The following KIAA1958 variants were observed in gnomAD, a reference collection of about 807,000 sequenced individuals.
KIAA1958 encodes KIAA1958.
KIAA1958 carries 14 observed loss-of-function variants against 47.2 expected under a neutral mutation model. That is an observed-to-expected ratio of 0.30 (90% CI 0.20 to 0.46). The LOEUF is 0.46. Among genes scored for constraint, KIAA1958 ranks in the 20% least tolerant of loss-of-function variants. KIAA1958 has a pLI of 1.00. For synonymous variants in KIAA1958, 354 were observed against 353.3 expected (o/e 1.00, Z -0.02); for missense variants, 803 against 909.2 (o/e 0.88, Z 1.50).
chr9:112,543,355 A>G (rs953392122), intron 1 of KIAA1958, among the ~76,000 whole-genome samples: 8 of 152,180 alleles, frequency 5.3e-5, no homozygotes, highest in African/African-American at 1.9e-4. Context: ...GGCACTCAGA[A>G]GTAACCATCA....
At chr9:112,610,663 C>G (rs1006874605) in intron 2 of KIAA1958, among the ~76,000 whole-genome samples, 4 of 152,138 alleles carry the variant, frequency 2.6e-5, no homozygotes, top group African/African-American at 7.2e-5. Context: ...CACAACCCCT[C>G]CAGGACACAT....
At position 112,487,064 on chromosome 9, in the gene KIAA1958, G is replaced by A; in HGVS notation, c.-79G>A. 2 of 222,932 alleles carry A rather than the reference G, an allele frequency of 9.0e-6. No homozygotes were observed. Among genetic ancestry groups the A allele is most frequent in the South Asian group, 4.8e-5 (1 of 20,848 alleles). The allele number at this position is 222,932 out of a possible 1,614,324, so 13.8% of individuals were successfully genotyped here. On this transcript the variant is annotated 5_prime_UTR_variant, in exon 1 of 4. Transcript: ENST00000337530. ...GTCCAGCCCGGGCTGCCCGGCTCTC[G>A]CAGGCCCCCCCGCGCCGACCGCGTT...
intron 1 of KIAA1958, among the ~76,000 whole-genome samples, chr9:112,566,459 C>G (rs548366163): frequency 5.3e-5 from 8 of 152,010 alleles, no homozygotes; most frequent in Non-Finnish European, 1.0e-4. Flanking sequence ...TAAACTGTTC[C>G]AACATCTTCA....
chr9:112,574,778 T>C lies in KIAA1958; in HGVS notation c.698T>C (p.Met233Thr). Residue 233 changes from methionine to threonine, a missense_variant, in exon 2 of 4, where the codon ATG (methionine) becomes ACG (threonine). Transcript: ENST00000337530. Reference protein sequence around the residue: ...VDGPALSLTQMAKPKPQTHAG... With the variant: ...VDGPALSLTQTAKPKPQTHAG... ...GGACCAGCCCTGTCCTTGACACAGA[T>C]GGCAAAACCCAAGCCTCAGACTCAC... The C allele has an allele frequency of 6.2e-7, 1 of 1,614,126 alleles. No individual in the cohort carries two copies. The highest frequency in any genetic ancestry group is 1.1e-5 in the South Asian group (1 of 91,062).
intron 1 of KIAA1958, among the ~76,000 whole-genome samples, chr9:112,512,222 C>T (rs1382885185): frequency 6.6e-6 from 1 of 152,120 alleles, no homozygotes; most frequent in African/African-American, 2.4e-5. Context: ...AAAGTACAGA[C>T]CAATATTTCT....
chr9:112,506,876 T>C (rs1564152321), intron 1 of KIAA1958, among the ~76,000 whole-genome samples: 1 of 152,168 alleles, frequency 6.6e-6, no homozygotes. Context: ...TGTGCTTAAC[T>C]AGAAGTGTGG....
chr9:112,639,592 C>T (rs1836861782), intron 2 of KIAA1958, among the ~76,000 whole-genome samples: 1 of 152,158 alleles, frequency 6.6e-6, no homozygotes, highest in African/African-American at 2.4e-5. Flanking sequence ...CCTTCTTAAC[C>T]TGCTTAGATT....
At chr9:112,541,412 G>A (rs1199273296) in intron 1 of KIAA1958, among the ~76,000 whole-genome samples, 2 of 152,016 alleles carry the variant, frequency 1.3e-5, no homozygotes, top group African/African-American at 4.8e-5. Context: ...ATACCCAAAG[G>A]TAGAGGGTGA....
intron 1 of KIAA1958, among the ~76,000 whole-genome samples, chr9:112,500,197 T>C (rs182372650): frequency 6.6e-6 from 1 of 152,078 alleles, no homozygotes; most frequent in East Asian, 1.9e-4. Context: ...CACCTCCTGG[T>C]TCCAGCGATT....
intron 2 of KIAA1958, among the ~76,000 whole-genome samples, chr9:112,615,403 G>A (rs1836393348): frequency 7.5e-6 from 1 of 133,852 alleles, no homozygotes; most frequent in South Asian, 2.4e-4. Flanking sequence ...CTGGGTGACA[G>A]AGCAAGGCTC....
rs1356387117 is a variant in KIAA1958, at chr9:112,575,384, G to T, written c.1171+133G>T. The T allele has an allele frequency of 8.2e-6, 5 of 610,274 alleles. No individual in the cohort carries two copies. The African/African-American group carries it at 9.2e-5, about 11-fold the overall frequency. The allele number at this position is 610,274 out of a possible 1,614,324, so 37.8% of individuals were successfully genotyped here. Reference sequence around the variant, plus strand: ...TTAGTCATAGAAAGATAGAAACAATGACTGTGTTACATCCAGGTGATACTA... The same window carrying T: ...TTAGTCATAGAAAGATAGAAACAATTACTGTGTTACATCCAGGTGATACTA... On this transcript the variant is annotated intron_variant, in intron 2 of 3. Coordinates refer to ENST00000337530, the MANE Select transcript of KIAA1958 (RefSeq NM_133465.4).
At chr9:112,569,664 A>G (rs1289582336) in intron 1 of KIAA1958, among the ~76,000 whole-genome samples, 1 of 150,338 alleles carries the variant, frequency 6.7e-6, no homozygotes, top group Non-Finnish European at 1.5e-5. Context: ...CTTGTCACCC[A>G]GGCTGGTGTG....
rs184183737 is a variant in KIAA1958, at chr9:112,569,542, T to A, written c.-24-4515T>A. 5.9e-5 allele frequency among the ~76,000 whole-genome samples: 9 copies of A among 152,356 alleles called. No homozygotes were observed. In the East Asian group the frequency reaches 9.6e-4, roughly 16 times the overall value. On this transcript the variant is annotated intron_variant, in intron 1 of 3. Transcript: ENST00000337530. The stretch of plus-strand genomic sequence containing the variant: ...CATATCATTGTAGCCAATCAGCTCA[T>A]CTGAATTTCCTGCCAAATGCATTAG...
At chr9:112,565,670 A>G (rs557290450) in intron 1 of KIAA1958, among the ~76,000 whole-genome samples, 1 of 152,330 alleles carries the variant, frequency 6.6e-6, no homozygotes, top group South Asian at 2.1e-4. Context: ...AATATATTGA[A>G]GTAGAGTGAT....
In KIAA1958 at chr9:112,574,811, C is replaced by T. The variant is rs756259408; in HGVS notation, c.731C>T (p.Pro244Leu). 6.8e-6 allele frequency: 11 copies of T among 1,614,050 alleles called. No homozygotes were observed. The African/African-American group carries it at 1.3e-4, about 20-fold the overall frequency. The change falls in exon 2 of 4, where the codon CCC becomes CTC. Residue 244 changes from proline (P) to leucine (L), a missense_variant. Coordinates refer to ENST00000337530, the MANE Select transcript of KIAA1958 (RefSeq NM_133465.4). ...CCCAAGCCTCAGACTCACGCTGGTC[C>T]CTCCTGTGTAGGGTCTGCTAAACTG... is the stretch of plus-strand genomic sequence containing the variant. ...AKPKPQTHAG[P>L]SCVGSAKLIP...
chr9:112,629,205 C>A (rs2131227740), intron 2 of KIAA1958, among the ~76,000 whole-genome samples: 1 of 152,242 alleles, frequency 6.6e-6, no homozygotes, highest in South Asian at 2.1e-4. Context: ...CTTGGAAATA[C>A]AATAACCACA....
At chr9:112,551,546 A>T (rs1835151545) in intron 1 of KIAA1958, among the ~76,000 whole-genome samples, 1 of 152,254 alleles carries the variant, frequency 6.6e-6, no homozygotes, top group South Asian at 2.1e-4. Context: ...TATTCAACAA[A>T]AGTTACATAA....
intron 2 of KIAA1958, among the ~76,000 whole-genome samples, chr9:112,602,407 A>G (rs1388789345): frequency 1.3e-5 from 2 of 152,230 alleles, no homozygotes; most frequent in Admixed American, 6.5e-5. Context: ...TTCCCTGAAC[A>G]TGAAAGGAGT....
At chr9:112,534,959 G>A (rs1358837349) in intron 1 of KIAA1958, among the ~76,000 whole-genome samples, 1 of 152,054 alleles carries the variant, frequency 6.6e-6, no homozygotes, top group Non-Finnish European at 1.5e-5. Flanking sequence ...TCTTGACTTT[G>A]TTGTGTGTTA....
Sources: gnomAD v4.1 joint callset for allele counts (sites outside exome capture counted in the v4.1 genomes callset) on GRCh38, gnomAD v4.1.1 for gene constraint, MANE v1.5 for transcripts, NCBI Gene and HGNC (gene_info 2026-07-23, HGNC 2026-07-21) for gene names.